TMEFF2: variants seen among roughly 807,000 people sequenced by gnomAD.
The protein encoded by TMEFF2 is transmembrane protein with EGF like and two follistatin like domains 2.
In TMEFF2, 28 loss-of-function variants were observed where a neutral mutation model predicts 53.8. The observed-to-expected ratio is 0.52, with a 90% CI of 0.39 to 0.71. The LOEUF (loss-of-function observed/expected upper bound fraction) is 0.71, where lower values mean the gene tolerates loss of function less well. Ranked by LOEUF, TMEFF2 falls within the 30% of genes least tolerant of loss-of-function variation. TMEFF2 has a pLI of 0.00. For synonymous variants in TMEFF2, 162 were observed against 166.3 expected (o/e 0.97, Z 0.20); for missense variants, 353 against 455.2 (o/e 0.78, Z 2.04).
At chr2:192,066,252 A>G (rs1375428923) in intron 4 of TMEFF2, among the ~76,000 whole-genome samples, 1 of 151,852 alleles carries the variant, frequency 6.6e-6, no homozygotes, top group Non-Finnish European at 1.5e-5. Flanking sequence ...CATATGTATC[A>G]GTGTCATAGT....
intron 5 of TMEFF2, among the ~76,000 whole-genome samples, chr2:192,055,651 T>C (rs998109360): frequency 1.3e-5 from 2 of 151,652 alleles, no homozygotes; most frequent in Admixed American, 6.6e-5. Flanking sequence ...GGTGCGCACC[T>C]GTAATCCCAG....
intron 7 of TMEFF2, among the ~76,000 whole-genome samples, chr2:191,959,316 C>A (rs1459253577): frequency 6.6e-6 from 1 of 152,176 alleles, no homozygotes; most frequent in Non-Finnish European, 1.5e-5. Context: ...CTAGAGAGTT[C>A]CTGACCCTTT....
At chr2:191,964,058 C>T (rs1021884693) in intron 7 of TMEFF2, among the ~76,000 whole-genome samples, 1 of 152,032 alleles carries the variant, frequency 6.6e-6, no homozygotes, top group Non-Finnish European at 1.5e-5. Flanking sequence ...GTGATATGTA[C>T]AGTATGATAG....
intron 5 of TMEFF2, among the ~76,000 whole-genome samples, chr2:192,041,980 C>A (rs779872799): frequency 5.3e-5 from 8 of 152,048 alleles, no homozygotes; most frequent in Non-Finnish European, 1.2e-4. Flanking sequence ...GGAGGTGGAT[C>A]ACCTGAGGTC....
chr2:192,069,090 T>C (rs1304511752), intron 4 of TMEFF2, among the ~76,000 whole-genome samples: 1 of 151,644 alleles, frequency 6.6e-6, no homozygotes, highest in African/African-American at 2.4e-5. Flanking sequence ...CATACCTTCC[T>C]TGACCCCCTA....
At chr2:192,007,677 G>A (rs556281842) in intron 5 of TMEFF2, among the ~76,000 whole-genome samples, 1 of 152,312 alleles carries the variant, frequency 6.6e-6, no homozygotes, top group South Asian at 2.1e-4. Flanking sequence ...AGGCCTGAAA[G>A]GTTTTTGAGC....
At chr2:192,037,318 A>AAAGAAAGAAAGAAAGAAAGAAAGAAAGG (rs1559096473) in intron 5 of TMEFF2, among the ~76,000 whole-genome samples, 1 of 134,026 alleles carries the variant, frequency 7.5e-6, no homozygotes, top group Non-Finnish European at 1.6e-5. Flanking sequence ...AGAAAGAAAG[A>AAAGAAAGAAAGAAAGAAAGAAAGAAAGG]AAGAAAGAAA....
At chr2:192,124,175 C>A (rs1232085365) in intron 4 of TMEFF2, among the ~76,000 whole-genome samples, 1 of 152,216 alleles carries the variant, frequency 6.6e-6, no homozygotes, top group Non-Finnish European at 1.5e-5. Flanking sequence ...TTTAATCAAT[C>A]ACCTGATTTC....
In TMEFF2 at chr2:192,184,456, C is replaced by T. The variant is rs1380815291; in HGVS notation, c.310G>A (p.Gly104Ser). The change falls in exon 3 of 10, where the codon GGC becomes AGC. Residue 104 changes from glycine (G) to serine (S), a missense_variant. Physicochemically the swap from Gly to Ser is moderately conservative, Grantham distance 56 (BLOSUM62 0). Transcript: ENST00000272771. ...TTCTGGTAGCTCTCCCCATTGGAGC[C>T]ACACACAGGCACATAGTCATTGTTG... ...KCNNDYVPVC[G>S]SNGESYQNEC... is the part of the protein sequence containing the mutation. 1 of 1,613,246 alleles carries T rather than the reference C, an allele frequency of 6.2e-7. No homozygotes were observed. Among genetic ancestry groups the T allele is most frequent in the Non-Finnish European group, 8.5e-7 (1 of 1,179,448 alleles).
intron 5 of TMEFF2, among the ~76,000 whole-genome samples, chr2:192,010,666 T>C (rs1686605829): frequency 6.6e-6 from 1 of 152,182 alleles, no homozygotes; most frequent in Non-Finnish European, 1.5e-5. Context: ...TGCTTGTGAT[T>C]ACGGTTGGCA....
intron 1 of TMEFF2, among the ~76,000 whole-genome samples, chr2:192,192,886 A>G (rs1293641579): frequency 6.6e-6 from 1 of 152,240 alleles, no homozygotes; most frequent in African/African-American, 2.4e-5. Flanking sequence ...AACAACACAC[A>G]TGTACGCATG....
chr2:191,964,588 A>C (rs1692417777), intron 7 of TMEFF2, among the ~76,000 whole-genome samples: 1 of 151,488 alleles, frequency 6.6e-6, no homozygotes, highest in Non-Finnish European at 1.5e-5. Flanking sequence ...GCATTTCAAC[A>C]CACTCAAGTG....
chr2:192,135,349 C>T (rs1689974410), intron 4 of TMEFF2, among the ~76,000 whole-genome samples: 1 of 151,450 alleles, frequency 6.6e-6, no homozygotes, highest in Non-Finnish European at 1.5e-5. Flanking sequence ...TGTCCTAGGT[C>T]CTCCCAATTC....
intron 4 of TMEFF2, among the ~76,000 whole-genome samples, chr2:192,068,714 TC>T: frequency 6.6e-6 from 1 of 151,892 alleles, no homozygotes; most frequent in Non-Finnish European, 1.5e-5. Context: ...GCATTAGTTT[TC>T]ACTGTAAGCC....
chr2:191,973,957 C>T (rs200561370), intron 7 of TMEFF2, among the ~76,000 whole-genome samples: 28 of 152,264 alleles, frequency 1.8e-4, no homozygotes, highest in African/African-American at 2.4e-4. Flanking sequence ...GCCTCCCCAG[C>T]GCTCAGATCT....
At position 192,194,295 on chromosome 2, in the gene TMEFF2, T is replaced by C. The variant is rs1282068306; in HGVS notation, c.172+58A>G. 2 of 1,597,784 alleles carry C rather than the reference T, an allele frequency of 1.3e-6. No individual in the cohort carries two copies. Among genetic ancestry groups the C allele is most frequent in the Admixed American group, 1.7e-5 (1 of 59,326 alleles). ...CGCGCTAGGGTAGGCTGGTCTGTGC[T>C]GGATACGCGTGTTCTTCTGCGGAGT... On this transcript the variant is annotated intron_variant, in intron 1 of 9. Transcript: ENST00000272771. This position sits in a 1 kb window ranked among gnomAD's most constrained non-coding sequence, Gnocchi z 4.2.
At chr2:192,080,495 A>G (rs930879332) in intron 4 of TMEFF2, among the ~76,000 whole-genome samples, 6 of 152,206 alleles carry the variant, frequency 3.9e-5, no homozygotes, top group Admixed American at 2.6e-4. Flanking sequence ...TGAGTCAATT[A>G]AACATCTTTC....
At chr2:192,183,139 C>T (rs1670265120) in intron 3 of TMEFF2, among the ~76,000 whole-genome samples, 1 of 151,986 alleles carries the variant, frequency 6.6e-6, no homozygotes, top group Non-Finnish European at 1.5e-5. Flanking sequence ...CAAATAATCC[C>T]TTAGGAGAAA....
chr2:192,131,652 G>A lies in TMEFF2; in HGVS notation c.439+48016C>T, dbSNP rs1475053822. On this transcript the variant is annotated intron_variant, in intron 4 of 9. Coordinates refer to ENST00000272771, the MANE Select transcript of TMEFF2 (RefSeq NM_016192.4). ...GGCAAGAAACCCCCATCCCTTCTCCGTGTCTCTACTCTTTTCCCTGGGCTT... is the reference window on the plus strand; with the variant it reads ...GGCAAGAAACCCCCATCCCTTCTCCATGTCTCTACTCTTTTCCCTGGGCTT... 5.3e-5 allele frequency among the ~76,000 whole-genome samples: 8 copies of A among 152,034 alleles called. No individual in the cohort carries two copies. The South Asian group carries it at 1.5e-3, about 28-fold the overall frequency.
Sources: allele counts gnomAD v4.1 joint callset (sites outside exome capture counted in the v4.1 genomes callset), GRCh38; gene constraint gnomAD v4.1.1; non-coding constraint Gnocchi (gnomAD v3.1); transcripts MANE v1.5; gene names NCBI Gene and HGNC (gene_info 2026-07-23, HGNC 2026-07-21).